TMTC4: variants seen among roughly 807,000 people sequenced by gnomAD.
TMTC4 encodes protein O-mannosyl-transferase TMTC4.
TMTC4 carries 65 observed loss-of-function variants against 86.0 expected under a neutral mutation model. The observed-to-expected ratio is 0.76, with a 90% confidence interval of 0.62 to 0.93. The LOEUF (loss-of-function observed/expected upper bound fraction) is 0.93, where lower values mean the gene tolerates loss of function less well. Ranked by LOEUF, TMTC4 falls within the 40% of genes least tolerant of loss-of-function variation. The pLI, the probability that TMTC4 is intolerant of heterozygous loss-of-function variation, is 0.00. For missense variants in TMTC4, 866 were observed against 948.1 expected, an observed-to-expected ratio of 0.91 and a Z score of 1.14; for synonymous variants, 379 against 382.5, an observed-to-expected ratio of 0.99 and a Z score of 0.11.
chr13:100,657,065 C>T (rs865803891), intron 5 of TMTC4, among the ~76,000 whole-genome samples: 8 of 152,072 alleles, frequency 5.3e-5, no homozygotes, highest in African/African-American at 1.2e-4. Flanking sequence ...GCGATATGCA[C>T]GTGCCATAAA....
intron 17 of TMTC4, among the ~76,000 whole-genome samples, chr13:100,611,753 A>G (rs979359439): frequency 3.9e-5 from 6 of 152,292 alleles, no homozygotes. Flanking sequence ...CCCCTTCAAC[A>G]CACAGGGAGT....
intron 15 of TMTC4, among the ~76,000 whole-genome samples, chr13:100,616,133 C>T (rs549449162): frequency 6.6e-6 from 1 of 152,092 alleles, no homozygotes; most frequent in South Asian, 2.1e-4. Context: ...TTCCAATCTA[C>T]AGCGGATGGG....
At chr13:100,611,044 A>C (rs1429889590) in intron 17 of TMTC4, among the ~76,000 whole-genome samples, 1 of 152,242 alleles carries the variant, frequency 6.6e-6, no homozygotes, top group Non-Finnish European at 1.5e-5. Context: ...AAAACTAGAG[A>C]TATGCATGAA....
At chr13:100,657,265 A>G (rs1885229405) in intron 5 of TMTC4, among the ~76,000 whole-genome samples, 1 of 152,228 alleles carries the variant, frequency 6.6e-6, no homozygotes, top group Non-Finnish European at 1.5e-5. Flanking sequence ...CCGATAGAAA[A>G]AGACACAGGA....
chr13:100,610,665 G>T (rs1877421204), intron 17 of TMTC4, among the ~76,000 whole-genome samples: 1 of 152,230 alleles, frequency 6.6e-6, no homozygotes, highest in East Asian at 1.9e-4. Context: ...ACTTGGGGGT[G>T]GGGGAGGAAG....
At chr13:100,608,322 C>T (rs1876987236) in intron 17 of TMTC4, among the ~76,000 whole-genome samples, 1 of 152,130 alleles carries the variant, frequency 6.6e-6, no homozygotes, top group Non-Finnish European at 1.5e-5. Context: ...TCAGCAAGGG[C>T]TGGACCCAAA....
chr13:100,659,664 T>G (rs997309114), intron 5 of TMTC4, among the ~76,000 whole-genome samples: 2 of 151,876 alleles, frequency 1.3e-5, no homozygotes, highest in Non-Finnish European at 2.9e-5. Flanking sequence ...CAGTAGGGAC[T>G]GGCCTGTCAG....
intron 6 of TMTC4, among the ~76,000 whole-genome samples, chr13:100,646,881 G>A (rs1883823399): frequency 6.6e-6 from 1 of 152,146 alleles, no homozygotes; most frequent in African/African-American, 2.4e-5. Context: ...TTTCATGTGG[G>A]CATTTGCTAG....
At chr13:100,645,649 T>C (rs1360361427) in intron 6 of TMTC4, among the ~76,000 whole-genome samples, 3 of 151,674 alleles carry the variant, frequency 2.0e-5, no homozygotes, top group Non-Finnish European at 4.4e-5. Context: ...CGCTGTGAGG[T>C]GAGCCTTGTT....
At chr13:100,606,237 A>T (rs1003415498) in intron 18 of TMTC4, 121 bp downstream of exon 18, 1 of 831,796 alleles carries the variant, frequency 1.2e-6, no homozygotes, top group Non-Finnish European at 2.0e-6. Context: ...TAACAGAACC[A>T]CATTTTAAAG....
At chr13:100,651,204 T>C (rs1884391366) in intron 6 of TMTC4, among the ~76,000 whole-genome samples, 1 of 152,200 alleles carries the variant, frequency 6.6e-6, no homozygotes, top group Non-Finnish European at 1.5e-5. Context: ...AGGTATCAGT[T>C]TAGAAACGAA....
In TMTC4 at chr13:100,634,853, C is replaced by T. The variant is rs765019582; in HGVS notation, c.1458G>A (p.Glu486=). Residue 486 remains glutamate (E), a synonymous_variant, in exon 12 of 19, where the codon GAG becomes GAA. Coordinates refer to ENST00000342624, the MANE Select transcript of TMTC4 (RefSeq NM_032813.5). ...ACAGAGCACTTCTGAAAAGCTGTTCCTCACTCCGCCACTCGCCGCTGCGCA... is the reference window on the plus strand; with the variant it reads ...ACAGAGCACTTCTGAAAAGCTGTTCTTCACTCCGCCACTCGCCGCTGCGCA... ...CVLRSGEWRS[E]EQLFRSALSV... is the part of the protein sequence containing the mutation. 1 of 1,614,138 alleles carries T rather than the reference C, an allele frequency of 6.2e-7. No homozygotes were observed. Among genetic ancestry groups the T allele is most frequent in the Admixed American group, 1.7e-5 (1 of 60,008 alleles).
At chr13:100,610,597 G>A (rs1047093725) in intron 17 of TMTC4, among the ~76,000 whole-genome samples, 3 of 152,122 alleles carry the variant, frequency 2.0e-5, no homozygotes, top group Non-Finnish European at 2.9e-5. Context: ...AATGCAAAAT[G>A]TGTAGAGAAA....
At chr13:100,658,331 G>A (rs546722603) in intron 5 of TMTC4, among the ~76,000 whole-genome samples, 6 of 152,290 alleles carry the variant, frequency 3.9e-5, no homozygotes, top group East Asian at 1.9e-4. Flanking sequence ...AGCCCCGGGT[G>A]AGTGAGGAGG....
At chr13:100,612,800 T>C (rs1322073566) in intron 16 of TMTC4, among the ~76,000 whole-genome samples, 1 of 152,164 alleles carries the variant, frequency 6.6e-6, no homozygotes, top group Non-Finnish European at 1.5e-5. Context: ...AGTTTTAATT[T>C]TTTCCCAGAT....
chr13:100,619,024 G>A (rs373197134), intron 15 of TMTC4, among the ~76,000 whole-genome samples: 16 of 152,286 alleles, frequency 1.1e-4, no homozygotes, highest in South Asian at 1.0e-3. Flanking sequence ...CAGATGGGGC[G>A]GCCGGCCGGG....
intron 6 of TMTC4, among the ~76,000 whole-genome samples, chr13:100,643,806 G>A (rs374576535): frequency 1.3e-5 from 2 of 152,304 alleles, no homozygotes; most frequent in South Asian, 4.1e-4. Flanking sequence ...TCAGCTTAGA[G>A]GGGGATGGAA....
At chr13:100,673,385 C>T (rs1461092720) in intron 1 of TMTC4, 1 of 983,238 alleles carries the variant, frequency 1.0e-6, no homozygotes, top group Non-Finnish European at 1.2e-6. Flanking sequence ...CATCCAGGGG[C>T]CTGCTGACCT....
At chr13:100,641,030 G>C (rs1169301140) in intron 7 of TMTC4, among the ~76,000 whole-genome samples, 1 of 151,896 alleles carries the variant, frequency 6.6e-6, no homozygotes, top group East Asian at 1.9e-4. Context: ...ATGTCTTTCC[G>C]CTTCAGAGAG....
Sources: gnomAD v4.1 joint callset for allele counts (sites outside exome capture counted in the v4.1 genomes callset) on GRCh38, gnomAD v4.1.1 for gene constraint, MANE v1.5 for transcripts, NCBI Gene and HGNC (gene_info 2026-07-23, HGNC 2026-07-21) for gene names.